ADH7: variants seen among roughly 807,000 people sequenced by gnomAD.
ADH7 encodes alcohol dehydrogenase 7 (class IV), mu or sigma polypeptide, also known as all-trans-retinol dehydrogenase [NAD(+)] ADH7.
In ADH7, 41 loss-of-function variants were observed where a neutral mutation model predicts 34.4. The observed-to-expected ratio is 1.19, with a 90% CI of 0.93 to 1.55. The LOEUF (loss-of-function observed/expected upper bound fraction) is 1.55. Among genes scored for constraint, ADH7 ranks in the 40% most tolerant of loss-of-function variants. The pLI is 0.00. For missense variants in ADH7, 540 were observed against 461.2 expected (o/e 1.17, Z -1.56); for synonymous variants, 180 against 160.9 (o/e 1.12, Z -0.90).
chr4:99,424,829 A>G (rs927624341), intron 5 of ADH7, among the ~76,000 whole-genome samples: 19 of 152,174 alleles, frequency 1.2e-4, no homozygotes, highest in African/African-American at 4.3e-4. Flanking sequence ...AAACAGGGAC[A>G]ATTTGACTTC....
chr4:99,413,944 G>A (rs976476425), intron 8 of ADH7, among the ~76,000 whole-genome samples: 1 of 152,124 alleles, frequency 6.6e-6, no homozygotes, highest in Non-Finnish European at 1.5e-5. Context: ...TAATGACTGA[G>A]ATAAAAATTA....
intron 5 of ADH7, among the ~76,000 whole-genome samples, chr4:99,425,661 A>G (rs1560563335): frequency 6.6e-6 from 1 of 152,152 alleles, no homozygotes; most frequent in Non-Finnish European, 1.5e-5. Flanking sequence ...CGAGACAGAA[A>G]GTTAACAAGG....
intron 1 of ADH7, 132 bp downstream of exon 1, chr4:99,435,084 C>A: frequency 6.5e-7 from 1 of 1,548,778 alleles, no homozygotes; most frequent in Non-Finnish European, 8.7e-7. Context: ...TCACTGTATG[C>A]CTGCTCACCA....
chr4:99,426,602 T>C (rs954649256), intron 5 of ADH7, among the ~76,000 whole-genome samples: 1 of 152,142 alleles, frequency 6.6e-6, no homozygotes, highest in African/African-American at 2.4e-5. Context: ...CGGGGCCAGA[T>C]GGATTCACAG....
intron 8 of ADH7, 113 bp from the exon 9 acceptor site, chr4:99,413,285 T>C: frequency 2.5e-6 from 3 of 1,213,368 alleles, no homozygotes; most frequent in Admixed American, 1.9e-5. Context: ...AATTCTGTTA[T>C]TGGAAATCCT....
chr4:99,423,875 T>G (rs552791340), intron 5 of ADH7, among the ~76,000 whole-genome samples: 168 of 152,218 alleles, frequency 1.1e-3, no homozygotes, highest in African/African-American at 3.5e-3. Flanking sequence ...AGAAGCTCTT[T>G]AGTTTAATTA....
At chr4:99,432,132 A>C (rs1398735521) in intron 1 of ADH7, among the ~76,000 whole-genome samples, 2 of 152,216 alleles carry the variant, frequency 1.3e-5, no homozygotes, top group Non-Finnish European at 1.5e-5. Context: ...AATACTATGC[A>C]GCCATAAAAA....
intron 5 of ADH7, among the ~76,000 whole-genome samples, chr4:99,422,834 T>C (rs1202889642): frequency 7.3e-6 from 1 of 136,740 alleles, no homozygotes; most frequent in African/African-American, 2.9e-5. Context: ...AATAGACCTA[T>C]TTTATTTTTT....
At chr4:99,416,235 A>G (rs1378088211) in intron 7 of ADH7, among the ~76,000 whole-genome samples, 1 of 152,190 alleles carries the variant, frequency 6.6e-6, no homozygotes, top group African/African-American at 2.4e-5. Context: ...CTTCTATTGC[A>G]GAGAAACTTC....
intron 5 of ADH7, among the ~76,000 whole-genome samples, chr4:99,426,775 C>G (rs1459782692): frequency 6.6e-6 from 1 of 152,092 alleles, no homozygotes; most frequent in Non-Finnish European, 1.5e-5. Context: ...AATTTTAGAC[C>G]AATATCCTTG....
intron 1 of ADH7, chr4:99,430,407 T>C (rs1201104472): frequency 6.6e-6 from 1 of 152,226 alleles, no homozygotes; most frequent in East Asian, 1.9e-4. Context: ...TATTGAATTA[T>C]GACAGAGAGA....
At chr4:99,423,920 T>A (rs2110137014) in intron 5 of ADH7, among the ~76,000 whole-genome samples, 1 of 152,150 alleles carries the variant, frequency 6.6e-6, no homozygotes, top group South Asian at 2.1e-4. Flanking sequence ...TTGTTGCCAT[T>A]GCTTTTGGTG....
At chr4:99,428,239 G>A in intron 3 of ADH7, 65 bp from the exon 4 acceptor site, 7 of 1,459,194 alleles carry the variant, frequency 4.8e-6, no homozygotes, top group African/African-American at 1.4e-5. Context: ...ATTAACAAAT[G>A]TGAATTGAGC....
intron 8 of ADH7, 112 bp downstream of exon 8, chr4:99,415,366 G>T: frequency 8.8e-7 from 1 of 1,139,090 alleles, no homozygotes; most frequent in Non-Finnish European, 1.3e-6. Context: ...TATCAATCTG[G>T]CTAGATTAAA....
At chr4:99,434,840 T>C (rs1375342429) in intron 1 of ADH7, among the ~76,000 whole-genome samples, 8 of 152,308 alleles carry the variant, frequency 5.3e-5, no homozygotes, top group African/African-American at 9.6e-5. Context: ...TGGTTTCCCA[T>C]TGAACTACTG....
chr4:99,427,902 T>C lies in ADH7; in HGVS notation c.435A>G (p.Thr145=). 2 of 1,614,030 alleles carry C rather than the reference T, an allele frequency of 1.2e-6. No individual in the cohort carries two copies. Among genetic ancestry groups the C allele is most frequent in the Non-Finnish European group, 8.5e-7 (1 of 1,179,944 alleles). Residue 145 remains threonine, a synonymous_variant, in exon 5 of 9, where the codon ACA becomes ACG. Coordinates refer to ENST00000437033, the MANE Select transcript of ADH7 (RefSeq NM_000673.7). ...KPVHHFMNTS[T]FTEYTVVDES... is the part of the protein sequence containing the mutation. Reference sequence around the variant, plus strand: ...CATCCACCACTGTGTACTCGGTAAATGTACTGGTGTTCATGAAGTGGTGGA... The same window carrying C: ...CATCCACCACTGTGTACTCGGTAAACGTACTGGTGTTCATGAAGTGGTGGA...
At chr4:99,426,158 A>G (rs1282714016) in intron 5 of ADH7, among the ~76,000 whole-genome samples, 1 of 152,054 alleles carries the variant, frequency 6.6e-6, no homozygotes, top group Non-Finnish European at 1.5e-5. Flanking sequence ...AGCTAGAAAA[A>G]CAAGAGCAAA....
chr4:99,434,956 G>A lies in ADH7; in HGVS notation c.18+260C>T, dbSNP rs539292973. 2.4e-4 allele frequency: 304 copies of A among 1,293,120 alleles called. 1 individual carries two copies. The African/African-American group carries it at 4.0e-3, about 17-fold the overall frequency. The allele number at this position is 1,293,120 out of a possible 1,614,324, so 80.1% of individuals were successfully genotyped here. On this transcript the variant is annotated intron_variant, in intron 1 of 8. Coordinates refer to ENST00000437033, the MANE Select transcript of ADH7 (RefSeq NM_000673.7). ...ATCCGGAAATCAAATTATGAATAATGCCAATATAAATCAATTTCTCTATTT... is the reference window on the plus strand; with the variant it reads ...ATCCGGAAATCAAATTATGAATAATACCAATATAAATCAATTTCTCTATTT...
Position 99,428,479 on chromosome 4 carries a change from C to T in ADH7, c.259+13G>A. On this transcript the variant is annotated intron_variant, in intron 3 of 8. Coordinates refer to ENST00000437033, the MANE Select transcript of ADH7 (RefSeq NM_000673.7). Reference sequence around the variant, plus strand: ...TAATTATTTCAAACTTGTGGTTTGACACCTGCATATACCTGGTTTCACTGT... The same window carrying T: ...TAATTATTTCAAACTTGTGGTTTGATACCTGCATATACCTGGTTTCACTGT... The T allele has an allele frequency of 1.2e-6, 2 of 1,605,982 alleles. No individual in the cohort carries two copies. Among genetic ancestry groups the T allele is most frequent in the Non-Finnish European group, 1.7e-6 (2 of 1,177,752 alleles).
Sources: gnomAD v4.1 joint callset for allele counts (sites outside exome capture counted in the v4.1 genomes callset) on GRCh38, gnomAD v4.1.1 for gene constraint, MANE v1.5 for transcripts, NCBI Gene and HGNC (gene_info 2026-07-23, HGNC 2026-07-21) for gene names.